Variants in HACE1 observed in about 807,000 individuals in gnomAD.
HACE1 encodes the protein HECT domain and ankyrin repeat containing E3 ubiquitin protein ligase 1, also known as E3 ubiquitin-protein ligase HACE1.
Under a neutral mutation model 118.4 loss-of-function variants are expected in HACE1, and 73 were observed. The ratio of observed to expected loss-of-function variants is 0.62; its 90% CI spans 0.51 to 0.75. The LOEUF is 0.75. Among genes scored for constraint, HACE1 ranks in the 30% least tolerant of loss-of-function variants. HACE1 has a pLI of 0.00. For missense variants in HACE1, 749 were observed against 1,102.2 expected, an observed-to-expected ratio of 0.68 and a Z score of 4.54; for synonymous variants, 368 against 374.8, an observed-to-expected ratio of 0.98 and a Z score of 0.21.
chr6:104,805,315 T>A (rs573609750), intron 7 of HACE1, among the ~76,000 whole-genome samples: 164 of 152,110 alleles, frequency 1.1e-3, no homozygotes, highest in Non-Finnish European at 1.9e-3. Context: ...CCAGGATCTA[T>A]AACTAGAAAT....
At chr6:104,800,439 C>G (rs1425617947) in intron 7 of HACE1, among the ~76,000 whole-genome samples, 2 of 152,150 alleles carry the variant, frequency 1.3e-5, no homozygotes, top group African/African-American at 4.8e-5. Context: ...CCTGTGTAGC[C>G]TAACTAGGAG....
intron 7 of HACE1, among the ~76,000 whole-genome samples, chr6:104,804,103 TC>T (rs1469558737): frequency 1.3e-5 from 2 of 152,092 alleles, no homozygotes; most frequent in African/African-American, 4.8e-5. Flanking sequence ...ATGAGTGAAC[TC>T]CCATTCACAA....
At chr6:104,813,009 G>A (rs1448114873) in intron 6 of HACE1, among the ~76,000 whole-genome samples, 2 of 140,558 alleles carry the variant, frequency 1.4e-5, no homozygotes, top group East Asian at 4.2e-4. Context: ...GTAGAGCAAA[G>A]ATGAGGAGCC....
chr6:104,824,687 G>T (rs1256713857), intron 6 of HACE1: 1 of 152,100 alleles, frequency 6.6e-6, no homozygotes, highest in Non-Finnish European at 1.5e-5. Context: ...TTCAGCAATA[G>T]ATACAAACAG....
At chr6:104,844,886 A>C (rs1349893903) in intron 4 of HACE1, among the ~76,000 whole-genome samples, 1 of 143,012 alleles carries the variant, frequency 7.0e-6, no homozygotes, top group East Asian at 2.1e-4. Context: ...CTCATCTTGA[A>C]CTCCTGATCT....
intron 5 of HACE1, among the ~76,000 whole-genome samples, chr6:104,838,052 A>C (rs918867059): frequency 6.6e-6 from 1 of 152,128 alleles, no homozygotes; most frequent in African/African-American, 2.4e-5. Flanking sequence ...GATGCAAGAA[A>C]CTGAAGAAGA....
chr6:104,742,511 A>G (rs1405000737), intron 22 of HACE1, among the ~76,000 whole-genome samples: 2 of 152,302 alleles, frequency 1.3e-5, no homozygotes, highest in East Asian at 3.9e-4. Context: ...GGACAGGAAC[A>G]GACACTTCTC....
Position 104,785,294 on chromosome 6 carries a change from A to C in HACE1, c.1100T>G (p.Leu367Ter). 1 of 1,608,012 alleles carries C rather than the reference A, an allele frequency of 6.2e-7. No individual in the cohort carries two copies. Among genetic ancestry groups the C allele is most frequent in the South Asian group, 1.1e-5 (1 of 90,984 alleles). The change falls in exon 12 of 24, where the codon TTA becomes TGA. Residue 367 changes from leucine to a stop codon, truncating the protein, a stop_gained. Transcript: ENST00000262903. LOFTEE classifies it high-confidence loss of function. ...GGCTATTAAAACTAGCCATTCATCT[A>C]ACGAGTGCCAAAGCAATTCCAGAGG... ...FKPLELLWHS[L>*]DEWLVLIATE... is the part of the protein sequence containing the mutation.
Position 104,792,126 on chromosome 6 carries a change from C to T in HACE1, c.924-472G>A, listed in dbSNP as rs1200437504. 2.6e-5 allele frequency among the ~76,000 whole-genome samples: 4 copies of T among 152,280 alleles called. No individual in the cohort carries two copies. In the South Asian group the frequency reaches 8.3e-4, roughly 32 times the overall value. Reference sequence around the variant, plus strand: ...TGCCACTATATCCATAATCCCATATCCCCTTCCCACCACAGAATAGTAACA... The same window carrying T: ...TGCCACTATATCCATAATCCCATATTCCCTTCCCACCACAGAATAGTAACA... On this transcript the variant is annotated intron_variant, in intron 10 of 23. Coordinates refer to ENST00000262903, the MANE Select transcript of HACE1 (RefSeq NM_020771.4).
At chr6:104,853,812 C>T (rs532706854) in intron 1 of HACE1, among the ~76,000 whole-genome samples, 24 of 152,206 alleles carry the variant, frequency 1.6e-4, no homozygotes, top group South Asian at 8.3e-4. Context: ...CCCACTTATC[C>T]GCAGGGGATA....
chr6:104,829,646 C>A (rs2115064597), intron 6 of HACE1, among the ~76,000 whole-genome samples: 1 of 152,210 alleles, frequency 6.6e-6, no homozygotes, highest in Middle Eastern at 3.4e-3. Context: ...TGTATATGAT[C>A]ATTGCAGGTA....
chr6:104,748,627 T>C (rs1293257629), intron 20 of HACE1, among the ~76,000 whole-genome samples: 1 of 152,170 alleles, frequency 6.6e-6, no homozygotes, highest in Non-Finnish European at 1.5e-5. Context: ...GGCATGTTTA[T>C]AGCAGCAGTA....
chr6:104,763,618 T>C (rs958797777), intron 19 of HACE1, among the ~76,000 whole-genome samples: 1 of 151,478 alleles, frequency 6.6e-6, no homozygotes, highest in African/African-American at 2.4e-5. Flanking sequence ...GGCATACCAT[T>C]AATACAGTGA....
At chr6:104,816,759 C>T (rs1772159782) in intron 6 of HACE1, among the ~76,000 whole-genome samples, 1 of 152,180 alleles carries the variant, frequency 6.6e-6, no homozygotes, top group Admixed American at 6.5e-5. Context: ...CCTGAAAAAG[C>T]CACACGTACT....
chr6:104,758,860 A>G (rs939640111), intron 19 of HACE1, among the ~76,000 whole-genome samples: 3 of 152,096 alleles, frequency 2.0e-5, no homozygotes, highest in African/African-American at 7.2e-5. Context: ...AAGATCTACC[A>G]AGCAAATGGA....
At chr6:104,779,030 G>A (rs1781486229) in intron 14 of HACE1, among the ~76,000 whole-genome samples, 1 of 152,098 alleles carries the variant, frequency 6.6e-6, no homozygotes, top group Admixed American at 6.6e-5. Flanking sequence ...CTGAGACACT[G>A]AAAATAAAAA....
intron 5 of HACE1, among the ~76,000 whole-genome samples, chr6:104,838,034 T>C (rs571066106): frequency 1.5e-4 from 23 of 151,860 alleles, no homozygotes; most frequent in Non-Finnish European, 2.5e-4. Flanking sequence ...AAGAAAACTA[T>C]AGAAAAAGAT....
Position 104,750,420 on chromosome 6 carries a change from G to A in HACE1, c.2264C>T (p.Pro755Leu). The A allele has an allele frequency of 1.2e-6, 2 of 1,613,070 alleles. No individual in the cohort carries two copies. Among genetic ancestry groups the A allele is most frequent in the Non-Finnish European group, 1.7e-6 (2 of 1,179,186 alleles). The change falls in exon 20 of 24, where the codon CCT (proline) becomes CTT (leucine). Residue 755 changes from proline (P) to leucine (L), a missense_variant. By Grantham distance (98) the Pro-to-Leu change is moderately conservative (BLOSUM62 -3). Transcript: ENST00000262903. ...GCCCTGTAAAAAAGCATTGATCTGA[G>A]GCTGAATGGCTCTTGTCATTCGAAG... ...TELRMTRAIQ[P>L]QINAFLQGFH...
At position 104,771,061 on chromosome 6, in the gene HACE1, T is replaced by G. The variant is rs1460817895; in HGVS notation, c.2211+132A>C. The G allele has an allele frequency of 6.0e-6, 4 of 663,862 alleles. No homozygotes were observed. The African/African-American group carries it at 7.3e-5, about 12-fold the overall frequency. The allele number at this position is 663,862 out of a possible 1,614,324, so 41.1% of individuals were successfully genotyped here. On this transcript the variant is annotated intron_variant, in intron 19 of 23. Coordinates refer to ENST00000262903, the MANE Select transcript of HACE1 (RefSeq NM_020771.4). ...TTTAACATTTGATTGTTTTATTAAC[T>G]TAAACGTTTTATCTGCTATGATACT...
Sources: allele counts gnomAD v4.1 joint callset (sites outside exome capture counted in the v4.1 genomes callset), GRCh38; gene constraint gnomAD v4.1.1; transcripts MANE v1.5; gene names NCBI Gene and HGNC (gene_info 2026-07-23, HGNC 2026-07-21).